Variants in IP6K1 observed in about 807,000 individuals in gnomAD.
IP6K1 encodes inositol hexakisphosphate kinase 1.
In IP6K1, 13 loss-of-function variants were observed where a neutral mutation model predicts 38.3. That is an observed-to-expected ratio of 0.34 (90% CI 0.22 to 0.54). The LOEUF is 0.54. Among genes scored for constraint, IP6K1 ranks in the 20% least tolerant of loss-of-function variants. The pLI is 0.92. For synonymous variants in IP6K1, 212 were observed against 229.9 expected (o/e 0.92, Z 0.70); for missense variants, 397 against 599.8 (o/e 0.66, Z 3.53).
intron 1 of IP6K1, among the ~76,000 whole-genome samples, chr3:49,779,169 ACTTT>A (rs1238842242): frequency 2.0e-5 from 3 of 152,216 alleles, no homozygotes; most frequent in Non-Finnish European, 4.4e-5. Flanking sequence ...TCACTAATGT[ACTTT>A]CTGTTTCTAT....
chr3:49,783,099 G>A (rs1263771273), intron 1 of IP6K1, among the ~76,000 whole-genome samples: 1 of 145,540 alleles, frequency 6.9e-6, no homozygotes, highest in Non-Finnish European at 1.5e-5. Context: ...CAGCCTGGGC[G>A]ACAGAGTGAG....
chr3:49,778,155 C>A (rs2081035244), intron 1 of IP6K1, among the ~76,000 whole-genome samples: 1 of 151,608 alleles, frequency 6.6e-6, no homozygotes, highest in Non-Finnish European at 1.5e-5. Context: ...GAAACCCCGT[C>A]TGTACTAAAA....
intron 2 of IP6K1, among the ~76,000 whole-genome samples, chr3:49,741,482 C>T (rs2080668811): frequency 6.6e-6 from 1 of 151,342 alleles, no homozygotes; most frequent in South Asian, 2.1e-4. Context: ...TATTCAAGCC[C>T]TTTGTGCAGT....
At chr3:49,737,483 C>T (rs1459533630) in intron 3 of IP6K1, among the ~76,000 whole-genome samples, 13 of 152,124 alleles carry the variant, frequency 8.5e-5, no homozygotes, top group Non-Finnish European at 5.9e-5. Context: ...GTCAGGAGTT[C>T]GAGACCAGCC....
rs1182788414 is a variant in IP6K1 at position 49,745,853 on chromosome 3, CAA to C, written c.223+1963_223+1964del. 3.7e-4 allele frequency among the ~76,000 whole-genome samples: 21 copies of C among 56,956 alleles called. No homozygotes were observed. In the East Asian group the frequency reaches 5.1e-3, roughly 14 times the overall value. 37.4% of individuals were successfully genotyped at this position (56,956 alleles called of 152,430 possible). A position where few individuals can be genotyped will look rare whatever the true frequency, so the allele number is the denominator to read the frequency against. ...TGGGCGACAGAGCAAGACTCTGTCT[CAA>C]AAAAAAAAAAAAAAAAAGACAGAAA... On this transcript the variant is annotated intron_variant, in intron 2 of 5. Coordinates refer to ENST00000321599, the MANE Select transcript of IP6K1 (RefSeq NM_153273.4).
At position 49,727,636 on chromosome 3, in the gene IP6K1, CCT is replaced by C; in HGVS notation, c.810_811del (p.Gly271AlafsTer16). ...GTACTTGTTCCTGCAGAGGTAATGCCCTGTGTCCAGCTGGTACACCTGAAACC... is the reference window on the plus strand; with the variant it reads ...GTACTTGTTCCTGCAGAGGTAATGCCGTGTCCAGCTGGTACACCTGAAACC... On this transcript the variant is annotated frameshift_variant, in exon 6 of 6. Coordinates refer to ENST00000321599, the MANE Select transcript of IP6K1 (RefSeq NM_153273.4). LOFTEE classifies it high-confidence loss of function. The surrounding 1 kb of genome is among the most constrained non-coding windows in gnomAD (Gnocchi z 5.9). The C allele has an allele frequency of 6.2e-7, 1 of 1,613,786 alleles. No individual in the cohort carries two copies. Among genetic ancestry groups the C allele is most frequent in the Non-Finnish European group, 8.5e-7 (1 of 1,179,768 alleles).
At chr3:49,778,936 A>G (rs1010044584) in intron 1 of IP6K1, among the ~76,000 whole-genome samples, 3 of 152,268 alleles carry the variant, frequency 2.0e-5, no homozygotes, top group South Asian at 2.1e-4. Flanking sequence ...ATACGTTTTT[A>G]ATTAACAGCT....
At chr3:49,751,617 C>T (rs2080778298) in intron 1 of IP6K1, among the ~76,000 whole-genome samples, 1 of 152,178 alleles carries the variant, frequency 6.6e-6, no homozygotes, top group African/African-American at 2.4e-5. Context: ...GAGCCCCAAT[C>T]TTATTCAGGT....
intron 2 of IP6K1, among the ~76,000 whole-genome samples, chr3:49,740,225 A>ATCCTTTTTTTTTTT (rs1553693842): frequency 7.6e-6 from 1 of 130,816 alleles, no homozygotes; most frequent in African/African-American, 2.8e-5. Context: ...AAAATTTGCA[A>ATCCTTTTTTTTTTT]TTCTTTTTTT....
chr3:49,767,732 C>A (rs1476940533), intron 1 of IP6K1, among the ~76,000 whole-genome samples: 3 of 152,050 alleles, frequency 2.0e-5, no homozygotes, highest in Non-Finnish European at 2.9e-5. Context: ...ATAGTGAGAT[C>A]CCATCTCTAT....
chr3:49,744,401 CAAAAAAAAA>C (rs56916226), intron 2 of IP6K1, among the ~76,000 whole-genome samples: 3 of 76,204 alleles, frequency 3.9e-5, no homozygotes, highest in Admixed American at 2.0e-4. Context: ...GACTCCGTCT[CAAAAAAAAA>C]AAAAAAAAAA....
Position 49,738,305 on chromosome 3 carries a change from C to G in IP6K1, c.341G>C (p.Arg114Pro). 6.2e-7 allele frequency: 1 copy of G among 1,614,198 alleles called. No individual in the cohort carries two copies. The highest frequency in any genetic ancestry group is 8.5e-7 in the Non-Finnish European group (1 of 1,180,044). ...QDDTTEREQPRRKHSRRSLHR... is the reference protein window; with the variant it reads ...QDDTTEREQPPRKHSRRSLHR... ...CAGGCTCCGGCGGGAGTGTTTGCGC[C>G]GAGGTTGCTCCCGTTCTGTTGTGTC... Residue 114 changes from arginine (R) to proline (P), a missense_variant, in exon 3 of 6, where the codon CGG becomes CCG. Physicochemically the swap from Arg to Pro is moderately radical, Grantham distance 103. This residue lies in a region of IP6K1 where 171 missense variants were observed against 237.0 expected (regional missense o/e 0.72). Transcript: ENST00000321599.
chr3:49,729,153 C>G (rs2080541167), intron 4 of IP6K1, among the ~76,000 whole-genome samples: 1 of 152,076 alleles, frequency 6.6e-6, no homozygotes, highest in South Asian at 2.1e-4. Flanking sequence ...CTTTCTGTCT[C>G]TATACATTTA....
In IP6K1 at chr3:49,786,366, G is replaced by C. The variant is rs1024915194; in HGVS notation, c.-141C>G. On this transcript the variant is annotated 5_prime_UTR_variant, in exon 1 of 6. Transcript: ENST00000321599. ...TCCTGTCACTCACCTGCCCGGCCCG[G>C]GCACCGAGCGCCCACGGCTCCCTAC... 1 of 152,206 alleles carries C rather than the reference G, an allele frequency of 6.6e-6. No homozygotes were observed. Among genetic ancestry groups the C allele is most frequent in the East Asian group, 1.9e-4 (1 of 5,174 alleles). 9.4% of individuals were successfully genotyped at this position (152,206 alleles called of 1,614,324 possible). A position where few individuals can be genotyped will look rare whatever the true frequency, so the allele number is the denominator to read the frequency against.
chr3:49,743,929 T>C (rs1419862326), intron 2 of IP6K1, among the ~76,000 whole-genome samples: 6 of 151,414 alleles, frequency 4.0e-5, no homozygotes, highest in Non-Finnish European at 8.8e-5. Context: ...GGAGCCATGG[T>C]TTCGAGGCTG....
chr3:49,728,428 T>C, intron 4 of IP6K1, 150 bp from the exon 5 acceptor site: 1 of 665,246 alleles, frequency 1.5e-6, no homozygotes. Flanking sequence ...ACCACTGGCT[T>C]ATTACTTAAC....
intron 1 of IP6K1, among the ~76,000 whole-genome samples, chr3:49,750,267 G>A (rs1484494844): frequency 6.6e-6 from 1 of 152,180 alleles, no homozygotes; most frequent in Non-Finnish European, 1.5e-5. Flanking sequence ...ATCTCTGGCT[G>A]TGCTTCTCCC....
chr3:49,752,014 T>C (rs1186350264), intron 1 of IP6K1, among the ~76,000 whole-genome samples: 1 of 152,160 alleles, frequency 6.6e-6, no homozygotes, highest in East Asian at 1.9e-4. Flanking sequence ...TTTTTTGTTG[T>C]TGTTTTCCTT....
At chr3:49,751,225 G>A (rs565871017) in intron 1 of IP6K1, among the ~76,000 whole-genome samples, 6 of 151,846 alleles carry the variant, frequency 4.0e-5, no homozygotes, top group Non-Finnish European at 8.8e-5. Flanking sequence ...GCGCGATCTC[G>A]GCTCACTGCA....
Sources: gnomAD v4.1 joint callset for allele counts (sites outside exome capture counted in the v4.1 genomes callset) on GRCh38, gnomAD v4.1.1 for gene constraint, gnomAD v4.1.1 regional missense constraint, Gnocchi (gnomAD v3.1) non-coding constraint, MANE v1.5 for transcripts, NCBI Gene and HGNC (gene_info 2026-07-23, HGNC 2026-07-21) for gene names.